The following FGD6 variants were observed in gnomAD, a reference collection of about 807,000 sequenced individuals.
The protein encoded by FGD6 is FYVE, RhoGEF and PH domain-containing protein 6.
FGD6 carries 90 observed loss-of-function variants against 149.4 expected under a neutral mutation model. That is an observed-to-expected ratio of 0.60 (90% CI 0.51 to 0.72). FGD6 has a LOEUF of 0.72. Ranked by LOEUF, FGD6 falls within the 30% of genes least tolerant of loss-of-function variation. The probability of loss-of-function intolerance (pLI) is 0.00; values close to 1 mark genes in which losing one functional copy is unlikely to be tolerated. For synonymous variants in FGD6, 527 were observed against 584.0 expected, an observed-to-expected ratio of 0.90 and a Z score of 1.41; for missense variants, 1,437 against 1,684.8, an observed-to-expected ratio of 0.85 and a Z score of 2.57.
intron 3 of FGD6, among the ~76,000 whole-genome samples, chr12:95,171,751 A>G (rs376335857): frequency 6.6e-6 from 1 of 152,110 alleles, no homozygotes; most frequent in East Asian, 1.9e-4. Context: ...TCCTGACCTC[A>G]TGATCCACCC....
chr12:95,132,751 A>G (rs1879560980), intron 8 of FGD6, among the ~76,000 whole-genome samples: 1 of 151,582 alleles, frequency 6.6e-6, no homozygotes, highest in Admixed American at 6.6e-5. Context: ...ATTCCGTCTC[A>G]AATAAATAAA....
chr12:95,094,534 GT>G, intron 15 of FGD6, 57 bp downstream of exon 15: 1 of 1,202,060 alleles, frequency 8.3e-7, no homozygotes, highest in Admixed American at 2.0e-5. Context: ...CCTGTGAAAT[GT>G]TTAAGGTAAA....
chr12:95,086,785 A>G (rs1254330863), intron 18 of FGD6, among the ~76,000 whole-genome samples: 1 of 145,880 alleles, frequency 6.9e-6, no homozygotes, highest in Non-Finnish European at 1.5e-5. Flanking sequence ...CGACCTTGTG[A>G]TCCACCCGCC....
intron 3 of FGD6, among the ~76,000 whole-genome samples, chr12:95,166,842 G>C (rs895005106): frequency 2.7e-5 from 4 of 147,564 alleles, no homozygotes; most frequent in Non-Finnish European, 5.9e-5. Flanking sequence ...ATTAGTATTT[G>C]GGTTCTTTCT....
rs539075382 is a variant in FGD6, at chr12:95,191,266, G to A, written c.2441+17577C>T. Among the ~76,000 whole-genome samples, 4 of 152,158 alleles carry A rather than the reference G, an allele frequency of 2.6e-5. No homozygotes were observed. In the South Asian group the frequency reaches 6.2e-4, roughly 24 times the overall value. ...TTCTTGCATAACCATCCCACAATACGGAAGGATGCTCACCATGTATCTAAT... is the reference window on the plus strand; with the variant it reads ...TTCTTGCATAACCATCCCACAATACAGAAGGATGCTCACCATGTATCTAAT... On this transcript the variant is annotated intron_variant, in intron 2 of 20. Coordinates refer to ENST00000343958, the MANE Select transcript of FGD6 (RefSeq NM_018351.4).
chr12:95,159,625 C>A (rs1880579459), intron 3 of FGD6, among the ~76,000 whole-genome samples: 1 of 152,118 alleles, frequency 6.6e-6, no homozygotes, highest in Non-Finnish European at 1.5e-5. Flanking sequence ...ATTGCTTGAA[C>A]ACAGGAGTTC....
intron 8 of FGD6, among the ~76,000 whole-genome samples, chr12:95,117,769 C>T (rs1050872321): frequency 6.6e-5 from 10 of 151,904 alleles, no homozygotes; most frequent in South Asian, 2.1e-4. Flanking sequence ...GGCCACCGGG[C>T]GCAGTGGCTC....
chr12:95,142,609 C>T (rs1555219612), intron 5 of FGD6, among the ~76,000 whole-genome samples: 1 of 152,194 alleles, frequency 6.6e-6, no homozygotes, highest in Non-Finnish European at 1.5e-5. Flanking sequence ...ATCCTGGATC[C>T]AAGCCTTTGC....
intron 11 of FGD6, among the ~76,000 whole-genome samples, chr12:95,107,973 T>C (rs1216532045): frequency 6.6e-6 from 1 of 152,170 alleles, no homozygotes; most frequent in African/African-American, 2.4e-5. Flanking sequence ...TTTTGTGCTA[T>C]ATGAGGAGGA....
Position 95,210,058 on chromosome 12 carries a change from G to C in FGD6, c.1226C>G (p.Thr409Ser). The C allele has an allele frequency of 2.5e-6, 4 of 1,613,780 alleles. No individual in the cohort carries two copies. The highest frequency in any genetic ancestry group is 3.4e-6 in the Non-Finnish European group (4 of 1,179,960). ...NSQKAMCNET[T>S]SFEKMAPSFD... ...AGAAGGTGCCATTTTTTCAAAGGAA[G>C]TTGTTTCATTACACATGGCTTTCTG... The change falls in exon 2 of 21, where the codon ACT becomes AGT. Residue 409 changes from threonine to serine, a missense_variant. Physicochemically the swap from Thr to Ser is moderately conservative, Grantham distance 58 (BLOSUM62 1). This residue lies in a region of FGD6 where 1,055 missense variants were observed against 1,146.0 expected (regional missense o/e 0.92). Coordinates refer to ENST00000343958, the MANE Select transcript of FGD6 (RefSeq NM_018351.4).
At chr12:95,107,695 C>G (rs556223480) in intron 11 of FGD6, 64 bp from the exon 12 acceptor site, 4 of 1,550,640 alleles carry the variant, frequency 2.6e-6, no homozygotes, top group East Asian at 4.5e-5. Context: ...ATATAATTTC[C>G]TTTTCAACTT....
chr12:95,122,836 C>T (rs1222518296), intron 8 of FGD6, among the ~76,000 whole-genome samples: 1 of 151,838 alleles, frequency 6.6e-6, no homozygotes, highest in Non-Finnish European at 1.5e-5. Flanking sequence ...AATCCCAGCA[C>T]TTTGGGAGGC....
At chr12:95,131,458 C>A (rs1879517662) in intron 8 of FGD6, among the ~76,000 whole-genome samples, 1 of 152,104 alleles carries the variant, frequency 6.6e-6, no homozygotes, top group Non-Finnish European at 1.5e-5. Flanking sequence ...TCCTGAACAG[C>A]TTCAACATAT....
intron 8 of FGD6, among the ~76,000 whole-genome samples, chr12:95,128,239 G>A (rs1411895766): frequency 6.6e-6 from 1 of 152,082 alleles, no homozygotes; most frequent in Non-Finnish European, 1.5e-5. Context: ...GTCTGCCTCT[G>A]ACTTTATTTT....
intron 2 of FGD6, among the ~76,000 whole-genome samples, chr12:95,177,908 AATTTATTTATTTATTT>A (rs71078616): frequency 1.4e-5 from 2 of 142,302 alleles, no homozygotes; most frequent in African/African-American, 2.7e-5. Context: ...TTTAAACAAC[AATTTATTTATTTATTT>A]ATTTATTTAT....
chr12:95,099,451 T>C (rs529946416), intron 14 of FGD6, among the ~76,000 whole-genome samples: 4 of 152,314 alleles, frequency 2.6e-5, no homozygotes, highest in African/African-American at 9.6e-5. Flanking sequence ...TGGAGGAATC[T>C]GGAAGGAGAG....
chr12:95,085,482 G>T, intron 19 of FGD6: 1 of 377,948 alleles, frequency 2.6e-6, no homozygotes, highest in South Asian at 5.5e-5. Context: ...GGGATTACAG[G>T]TGTGAGCCAG....
intron 5 of FGD6, among the ~76,000 whole-genome samples, chr12:95,143,371 G>C (rs12302234): frequency 0.018 from 2,766 of 150,696 alleles, 84 homozygotes; most frequent in African/African-American, 0.062. Context: ...TTTTTCTAAA[G>C]GATGGCTATT....
chr12:95,096,921 G>A (rs1005696490), intron 14 of FGD6, among the ~76,000 whole-genome samples: 1 of 152,056 alleles, frequency 6.6e-6, no homozygotes, highest in Non-Finnish European at 1.5e-5. Context: ...CTCCCTCCCC[G>A]GCTCCTCACC....
Sources: allele counts gnomAD v4.1 joint callset (sites outside exome capture counted in the v4.1 genomes callset), GRCh38; gene constraint gnomAD v4.1.1; regional missense constraint gnomAD v4.1.1; transcripts MANE v1.5; gene names NCBI Gene and HGNC (gene_info 2026-07-23, HGNC 2026-07-21).